The following SESN1 variants were observed in gnomAD, a reference collection of about 807,000 sequenced individuals.
SESN1 encodes sestrin 1.
SESN1 carries 30 observed loss-of-function variants against 59.3 expected under a neutral mutation model. The ratio of observed to expected loss-of-function variants is 0.51; its 90% CI spans 0.38 to 0.69. The LOEUF is 0.69. SESN1 is among the 30% of genes least tolerant of loss of function. SESN1 has a pLI of 0.00. For synonymous variants in SESN1, 197 were observed against 219.9 expected, an observed-to-expected ratio of 0.90 and a Z score of 0.92; for missense variants, 566 against 673.0, an observed-to-expected ratio of 0.84 and a Z score of 1.76.
rs1215792891 is a variant in SESN1, at chr6:108,987,066, G to A, written c.*478C>T. ...CAAGTTATGTATGTAGGCTCAGATA[G>A]TAGCAATGTTCACTTTTATTACTAA... is the stretch of plus-strand genomic sequence containing the variant. On this transcript the variant is annotated 3_prime_UTR_variant, in exon 10 of 10. Transcript: ENST00000436639. 1.3e-5 allele frequency: 2 copies of A among 153,102 alleles called. No homozygotes were observed. The highest frequency in any genetic ancestry group is 4.8e-5 in the African/African-American group (2 of 41,458). The allele number at this position is 153,102 out of a possible 1,614,324, so 9.5% of individuals were successfully genotyped here.
intron 1 of SESN1, among the ~76,000 whole-genome samples, chr6:109,031,566 C>T (rs562414801): frequency 6.6e-6 from 1 of 152,294 alleles, no homozygotes; most frequent in Admixed American, 6.5e-5. Flanking sequence ...GAGAACCCTT[C>T]CCTGACCCCT....
At position 109,024,499 on chromosome 6, in the gene SESN1, C is replaced by T. The variant is rs76327020; in HGVS notation, c.280-22156G>A. Among the ~76,000 whole-genome samples, 97 of 152,282 alleles carry T rather than the reference C, an allele frequency of 6.4e-4. 2 individuals carry two copies. The East Asian group carries it at 0.018, about 28-fold the overall frequency. On this transcript the variant is annotated intron_variant, in intron 1 of 9. Coordinates refer to ENST00000436639, the MANE Select transcript of SESN1 (RefSeq NM_014454.3). ...CTCCCAGATTAGGTTAAAAACTGAC[C>T]TCGATATTAGTGCTTCTTACTCATG...
At chr6:109,037,842 T>C (rs895956430) in intron 1 of SESN1, among the ~76,000 whole-genome samples, 1 of 151,916 alleles carries the variant, frequency 6.6e-6, no homozygotes, top group African/African-American at 2.4e-5. Flanking sequence ...GAGATAAAAA[T>C]AGTAAAATGA....
At chr6:109,068,196 T>C (rs73518358) in intron 1 of SESN1, among the ~76,000 whole-genome samples, 1,580 of 152,296 alleles carry the variant, frequency 0.01, 36 homozygotes, top group African/African-American at 0.036. Context: ...TTGTAGACAG[T>C]CCTTTTTCTC....
In SESN1 at chr6:109,001,508, C is replaced by A. The variant is rs1562456261; in HGVS notation, c.346-20G>T. ...GAGGATCTGTATAAATGAGAAAAACCATGGTTACTGAAATGGTAAATTGGT... is the reference window on the plus strand; with the variant it reads ...GAGGATCTGTATAAATGAGAAAAACAATGGTTACTGAAATGGTAAATTGGT... On this transcript the variant is annotated intron_variant, in intron 2 of 9. Coordinates refer to ENST00000436639, the MANE Select transcript of SESN1 (RefSeq NM_014454.3). 6.2e-7 allele frequency: 1 copy of A among 1,604,542 alleles called. No individual in the cohort carries two copies. The highest frequency in any genetic ancestry group is 8.5e-7 in the Non-Finnish European group (1 of 1,173,026).
rs1008657720 is a variant in SESN1, at chr6:109,094,208, A to G, written c.-135T>C. 14 of 972,940 alleles carry G rather than the reference A, an allele frequency of 1.4e-5. No individual in the cohort carries two copies. The African/African-American group carries it at 2.0e-4, about 14-fold the overall frequency. The allele number at this position is 972,940 out of a possible 1,614,324, so 60.3% of individuals were successfully genotyped here. ...CGTCATGAAAACACACATCTGGGTGACATTTGGAACCACTGGTGCCTTCAG... is the reference window on the plus strand; with the variant it reads ...CGTCATGAAAACACACATCTGGGTGGCATTTGGAACCACTGGTGCCTTCAG... On this transcript the variant is annotated 5_prime_UTR_variant, in exon 1 of 10. Coordinates refer to ENST00000436639, the MANE Select transcript of SESN1 (RefSeq NM_014454.3).
chr6:109,069,820 A>G (rs998462560), intron 1 of SESN1, among the ~76,000 whole-genome samples: 1 of 152,186 alleles, frequency 6.6e-6, no homozygotes, highest in African/African-American at 2.4e-5. Context: ...AGCCTTCTAA[A>G]GTGCTGGGAT....
At chr6:109,050,051 T>C (rs1780517452) in intron 1 of SESN1, among the ~76,000 whole-genome samples, 1 of 152,202 alleles carries the variant, frequency 6.6e-6, no homozygotes. Flanking sequence ...TAAAACTCTG[T>C]ATATGAAGTA....
intron 1 of SESN1, among the ~76,000 whole-genome samples, chr6:109,027,157 A>T (rs2114384510): frequency 6.6e-6 from 1 of 151,310 alleles, no homozygotes; most frequent in East Asian, 2.0e-4. Context: ...GTGACAGAGA[A>T]AGATTCTGTC....
At chr6:109,039,073 AAAGGAGGGAGGAAAAGGAG>A (rs1288510565) in intron 1 of SESN1, among the ~76,000 whole-genome samples, 1 of 150,570 alleles carries the variant, frequency 6.6e-6, no homozygotes, top group South Asian at 2.1e-4. Flanking sequence ...AAGGAGGAAG[AAAGGAGGGAGGAAAAGGAG>A]AAGGAGGGAG....
At chr6:109,033,858 G>A (rs1162620368) in intron 1 of SESN1, among the ~76,000 whole-genome samples, 2 of 152,198 alleles carry the variant, frequency 1.3e-5, no homozygotes, top group African/African-American at 2.4e-5. Flanking sequence ...TTCCAGCCAT[G>A]TTTCTGTTAG....
intron 1 of SESN1, among the ~76,000 whole-genome samples, chr6:109,016,874 T>A (rs1266933917): frequency 6.6e-6 from 1 of 152,202 alleles, no homozygotes; most frequent in Non-Finnish European, 1.5e-5. Flanking sequence ...GCATTTTTAT[T>A]TTCTGGCAAA....
At chr6:109,032,170 G>T (rs1780190929) in intron 1 of SESN1, among the ~76,000 whole-genome samples, 1 of 152,196 alleles carries the variant, frequency 6.6e-6, no homozygotes, top group African/African-American at 2.4e-5. Flanking sequence ...TATTCGGGAG[G>T]TTGAGGCAGG....
At chr6:109,062,535 GT>G (rs1168354464) in intron 1 of SESN1, among the ~76,000 whole-genome samples, 1 of 152,174 alleles carries the variant, frequency 6.6e-6, no homozygotes, top group Non-Finnish European at 1.5e-5. Context: ...GTGAGGCCAT[GT>G]AAAAACATTT....
intron 1 of SESN1, among the ~76,000 whole-genome samples, chr6:109,019,496 T>C (rs554497955): frequency 6.6e-6 from 1 of 152,240 alleles, no homozygotes; most frequent in Admixed American, 6.5e-5. Context: ...ACCTTCACAA[T>C]GTAAATTTCA....
intron 1 of SESN1, among the ~76,000 whole-genome samples, chr6:109,003,095 G>A (rs1445924918): frequency 6.6e-6 from 1 of 151,916 alleles, no homozygotes; most frequent in Non-Finnish European, 1.5e-5. Flanking sequence ...AAATCTGTTA[G>A]GGTTTCCTTT....
chr6:109,027,133 G>A (rs994043809), intron 1 of SESN1, among the ~76,000 whole-genome samples: 4 of 152,016 alleles, frequency 2.6e-5, no homozygotes, highest in African/African-American at 9.7e-5. Flanking sequence ...TTGCATCACT[G>A]CATTCCAGCC....
Position 108,986,598 on chromosome 6 carries a change from C to T in SESN1, c.*946G>A, listed in dbSNP as rs931502136. 3 of 152,532 alleles carry T rather than the reference C, an allele frequency of 2.0e-5. No individual in the cohort carries two copies. Among genetic ancestry groups the T allele is most frequent in the Admixed American group, 6.5e-5 (1 of 15,278 alleles). 9.4% of individuals were successfully genotyped at this position (152,532 alleles called of 1,614,324 possible). On this transcript the variant is annotated 3_prime_UTR_variant, in exon 10 of 10. Coordinates refer to ENST00000436639, the MANE Select transcript of SESN1 (RefSeq NM_014454.3). ...TTTTTGTAAATCAAATTTGATAACC[C>T]GACTAAAAATATTTTCCAGCTTTAT...
chr6:109,092,410 C>T (rs930543276), intron 1 of SESN1, among the ~76,000 whole-genome samples: 7 of 152,170 alleles, frequency 4.6e-5, no homozygotes, highest in African/African-American at 1.7e-4. Flanking sequence ...ATACTATGCT[C>T]CCCAGAGCCT....
Sources: allele counts gnomAD v4.1 joint callset (sites outside exome capture counted in the v4.1 genomes callset), GRCh38; gene constraint gnomAD v4.1.1; transcripts MANE v1.5; gene names NCBI Gene and HGNC (gene_info 2026-07-23, HGNC 2026-07-21).